Variants in PPT1 observed in about 807,000 individuals in gnomAD.
PPT1 encodes the protein palmitoyl-protein thioesterase 1, also known as ceroid-palmitoyl-palmitoyl-protein thioesterase 1.
Under a neutral mutation model 44.0 loss-of-function variants are expected in PPT1, and 24 were observed. The observed-to-expected ratio is 0.54, with a 90% CI of 0.39 to 0.77. PPT1 has a LOEUF of 0.77. PPT1 is among the 30% of genes least tolerant of loss of function. The probability of loss-of-function intolerance (pLI) is 0.00; values close to 1 mark genes in which losing one functional copy is unlikely to be tolerated. For synonymous variants in PPT1, 148 were observed against 140.2 expected (o/e 1.06, Z -0.39); for missense variants, 341 against 378.8 (o/e 0.90, Z 0.83).
At chr1:40,080,815 A>C (rs1056698247) in intron 5 of PPT1, among the ~76,000 whole-genome samples, 7 of 152,182 alleles carry the variant, frequency 4.6e-5, no homozygotes, top group African/African-American at 1.7e-4. Flanking sequence ...CAGAGGTTGC[A>C]GTGAGCTGAG....
intron 3 of PPT1, among the ~76,000 whole-genome samples, chr1:40,091,837 C>A (rs1413451553): frequency 6.7e-6 from 1 of 149,842 alleles, no homozygotes; most frequent in African/African-American, 2.5e-5. Flanking sequence ...TGCACTCCAG[C>A]CTGGGCAACA....
intron 5 of PPT1, among the ~76,000 whole-genome samples, chr1:40,086,807 A>G (rs1432736154): frequency 6.6e-6 from 1 of 152,002 alleles, no homozygotes; most frequent in Non-Finnish European, 1.5e-5. Flanking sequence ...GAGAAGCAAC[A>G]ATGGCACTGG....
chr1:40,090,450 G>A (rs367824254), intron 4 of PPT1, among the ~76,000 whole-genome samples: 1 of 141,496 alleles, frequency 7.1e-6, no homozygotes, highest in Non-Finnish European at 1.6e-5. Flanking sequence ...GTATATATAT[G>A]TCTATGTATG....
chr1:40,080,374 G>A, intron 6 of PPT1, 23 bp downstream of exon 6: 1 of 1,604,566 alleles, frequency 6.2e-7, no homozygotes, highest in Non-Finnish European at 8.5e-7. Context: ...GCACATCTAT[G>A]GGAGCCCGGT....
intron 8 of PPT1, among the ~76,000 whole-genome samples, chr1:40,076,334 A>G (rs1267548628): frequency 4.0e-5 from 6 of 151,824 alleles, no homozygotes; most frequent in East Asian, 2.0e-4. Context: ...GTGTGATGGC[A>G]CACACCTGTA....
chr1:40,073,927 T>C lies in PPT1; in HGVS notation c.*134A>G, dbSNP rs1174232063. ...GATTCAGATCTTAGATCTTTCCAAG[T>C]AGGGCATGTTAGATGATAGAAGGAT... is the stretch of plus-strand genomic sequence containing the variant. On this transcript the variant is annotated 3_prime_UTR_variant, in exon 9 of 9. Transcript: ENST00000642050. 11 of 1,177,674 alleles carry C rather than the reference T, an allele frequency of 9.3e-6. No homozygotes were observed. The highest frequency in any genetic ancestry group is 9.1e-5 in the African/African-American group (6 of 65,830). 73.0% of individuals were successfully genotyped at this position (1,177,674 alleles called of 1,614,324 possible).
chr1:40,092,631 T>C (rs1023361017), intron 1 of PPT1, 124 bp from the exon 2 acceptor site: 1 of 819,224 alleles, frequency 1.2e-6, no homozygotes, highest in Admixed American at 1.9e-5. Context: ...GAAGAAAATA[T>C]TTGCAAAACA....
At chr1:40,084,407 C>T (rs538976951) in intron 5 of PPT1, among the ~76,000 whole-genome samples, 117 of 152,148 alleles carry the variant, frequency 7.7e-4, no homozygotes, top group Admixed American at 2.4e-3. Context: ...ATAAAAGCAG[C>T]GGCAGGGTTT....
chr1:40,071,658 C>T (rs1648060289), downstream of PPT1: 3 of 638,962 alleles, frequency 4.7e-6, no homozygotes, highest in Admixed American at 2.9e-5. Context: ...CTGAGAAGCA[C>T]AGCTACCTGC....
Position 40,076,451 on chromosome 1 carries a change from C to T in PPT1, c.798+391G>A, listed in dbSNP as rs370834050. On this transcript the variant is annotated intron_variant, in intron 8 of 8. Transcript: ENST00000642050. ...CTGCACTCCAGCCTGGGTGACAGAG[C>T]GAGACCCCGTCTCAAAGAAAAAAAA... is the stretch of plus-strand genomic sequence containing the variant. Among the ~76,000 whole-genome samples, 9 of 152,000 alleles carry T rather than the reference C, an allele frequency of 5.9e-5. No homozygotes were observed. In the East Asian group the frequency reaches 1.3e-3, roughly 23 times the overall value.
intron 1 of PPT1, among the ~76,000 whole-genome samples, chr1:40,095,654 C>A (rs1038308151): frequency 6.6e-6 from 1 of 152,104 alleles, no homozygotes; most frequent in African/African-American, 2.4e-5. Flanking sequence ...CTCTCTTATT[C>A]CAAGTCTGAT....
rs746043871 is a variant in PPT1, at chr1:40,078,564, G to A, written c.722C>T (p.Ser241Leu). 4.3e-6 allele frequency: 7 copies of A among 1,613,256 alleles called. No homozygotes were observed. The highest frequency in any genetic ancestry group is 2.7e-5 in the African/African-American group (2 of 74,878). ...GTGGCCTAAGTAGTGTCTCACCTCC[G>A]AATCTACAGGGTCCACAATGGAATC... ...LNDSIVDPVD[S>L]EWFGFYRSGQ... Residue 241 changes from serine to leucine, a missense_variant, in exon 7 of 9, where the codon TCG becomes TTG. By Grantham distance (145) the Ser-to-Leu change is moderately radical (BLOSUM62 -2). Transcript: ENST00000642050.
chr1:40,081,975 G>C (rs1648965693), intron 5 of PPT1, among the ~76,000 whole-genome samples: 1 of 152,172 alleles, frequency 6.6e-6, no homozygotes, highest in South Asian at 2.1e-4. Flanking sequence ...CCAGGCTGAG[G>C]TAGTCTCAGA....
At chr1:40,086,904 T>C (rs1216136979) in intron 5 of PPT1, among the ~76,000 whole-genome samples, 1 of 152,044 alleles carries the variant, frequency 6.6e-6, no homozygotes, top group Non-Finnish European at 1.5e-5. Flanking sequence ...ATTACTTTCT[T>C]TTAAAATTTA....
intron 1 of PPT1, among the ~76,000 whole-genome samples, chr1:40,096,534 A>C (rs1461362058): frequency 6.6e-6 from 1 of 152,178 alleles, no homozygotes; most frequent in African/African-American, 2.4e-5. Flanking sequence ...ATTATTTAAA[A>C]TATTGCATAA....
chr1:40,083,283 A>C lies in PPT1; in HGVS notation c.537-2796T>G, dbSNP rs1230170337. Reference sequence around the variant, plus strand: ...GGCAACATAGCAAGACCCCACCTCTAGAAAAGAAAATTCTTTTTAAAAGTA... The same window carrying C: ...GGCAACATAGCAAGACCCCACCTCTCGAAAAGAAAATTCTTTTTAAAAGTA... On this transcript the variant is annotated intron_variant, in intron 5 of 8. Transcript: ENST00000642050. Among the ~76,000 whole-genome samples the C allele has an allele frequency of 4.6e-5, 7 of 152,100 alleles. No individual in the cohort carries two copies. In the East Asian group the frequency reaches 1.4e-3, roughly 29 times the overall value.
intron 1 of PPT1, 92 bp downstream of exon 1, chr1:40,097,023 T>A: frequency 3.1e-6 from 5 of 1,608,586 alleles, no homozygotes; most frequent in Non-Finnish European, 4.3e-6. Context: ...TGGGACCACG[T>A]CCTCGCCCTC....
At chr1:40,095,965 T>C (rs551395279) in intron 1 of PPT1, among the ~76,000 whole-genome samples, 1 of 152,288 alleles carries the variant, frequency 6.6e-6, no homozygotes, top group Non-Finnish European at 1.5e-5. Context: ...TGCCCCTCCC[T>C]TCCAAACTAA....
chr1:40,097,182 G>C lies in PPT1; in HGVS notation c.57C>G (p.Cys19Trp), dbSNP rs530467912. 1.2e-6 allele frequency: 2 copies of C among 1,614,092 alleles called. No homozygotes were observed. The highest frequency in any genetic ancestry group is 1.7e-5 in the Admixed American group (1 of 60,026). The change falls in exon 1 of 9, where the codon TGC becomes TGG. Residue 19 changes from cysteine (C) to tryptophan (W), a missense_variant. By Grantham distance (215) the Cys-to-Trp change is radical (BLOSUM62 -2). Transcript: ENST00000642050. ...CCAGATGCTGCAGCGCCCGAGAAGC[G>C]CAGGTCCATGGCAGGAGAGCCACAG... ...LLAVALLPWT[C>W]ASRALQHLDP...
Sources: gnomAD v4.1 joint callset for allele counts (sites outside exome capture counted in the v4.1 genomes callset) on GRCh38, gnomAD v4.1.1 for gene constraint, MANE v1.5 for transcripts, NCBI Gene and HGNC (gene_info 2026-07-23, HGNC 2026-07-21) for gene names.